CFAP73: variants seen among roughly 807,000 people sequenced by gnomAD.
CFAP73 encodes cilia- and flagella-associated protein 73.
In CFAP73, 33 loss-of-function variants were observed where a neutral mutation model predicts 42.9. The ratio of observed to expected loss-of-function variants is 0.77; its 90% CI spans 0.58 to 1.03. CFAP73 has a LOEUF of 1.03. Among genes scored for constraint, CFAP73 ranks in the 50% least tolerant of loss-of-function variants. The pLI is 0.00. For missense variants in CFAP73, 392 were observed against 411.9 expected (o/e 0.95, Z 0.42); for synonymous variants, 162 against 186.8 (o/e 0.87, Z 1.08).
At position 113,158,957 on chromosome 12, in the gene CFAP73, G is replaced by A. The variant is rs534000886; in HGVS notation, c.*268G>A. Reference sequence around the variant, plus strand: ...CCCTGCTGCAGCTCCTGGACGCGGCGGCGGTTGCGGGCAGAGAGCTGCTTG... The same window carrying A: ...CCCTGCTGCAGCTCCTGGACGCGGCAGCGGTTGCGGGCAGAGAGCTGCTTG... On this transcript the variant is annotated 3_prime_UTR_variant, in exon 8 of 8. Transcript: ENST00000335621. The surrounding 1 kb of genome is among the most constrained non-coding windows in gnomAD (Gnocchi z 4.9). The A allele has an allele frequency of 1.1e-5, 17 of 1,611,094 alleles. No homozygotes were observed. The Admixed American group carries it at 1.5e-4, about 14-fold the overall frequency.
rs532416340 is a variant in CFAP73, at chr12:113,154,450, G to C, written c.505G>C (p.Gly169Arg). ...EVPELVARFD[G>R]LAETQAALRL... ...TCCGGAGCTGGTGGCGCGCTTCGAC[G>C]GCCTGGCCGAGACGCAGGCGGCGCT... is the stretch of plus-strand genomic sequence containing the variant. The change falls in exon 5 of 8, where the codon GGC becomes CGC. Residue 169 changes from glycine to arginine, a missense_variant. Physicochemically the swap from Gly to Arg is moderately radical, Grantham distance 125. Coordinates refer to ENST00000335621, the MANE Select transcript of CFAP73 (RefSeq NM_001144872.3). This position sits in a 1 kb window ranked among gnomAD's most constrained non-coding sequence, Gnocchi z 4.7. 187 of 1,547,110 alleles carry C rather than the reference G, an allele frequency of 1.2e-4. No individual in the cohort carries two copies. In the East Asian group the frequency reaches 3.2e-3, roughly 27 times the overall value.
chr12:113,152,111 C>A, intron 2 of CFAP73, 88 bp downstream of exon 2: 1 of 855,688 alleles, frequency 1.2e-6, no homozygotes, highest in South Asian at 1.6e-5. Flanking sequence ...TGAGACAAGT[C>A]ATTTCACCAC....
rs1182233592 is a variant in CFAP73 at position 113,156,470 on chromosome 12, C to T, written c.849+1052C>T. Among the ~76,000 whole-genome samples the T allele has an allele frequency of 2.6e-5, 4 of 151,168 alleles. No homozygotes were observed. In the South Asian group the frequency reaches 6.2e-4, roughly 24 times the overall value. On this transcript the variant is annotated intron_variant, in intron 6 of 7. Transcript: ENST00000335621. ...ATAAAAAACTCTTCCTTCTTTAATCCGGTGTCTGAGGAGTTTTGTGTTAAT... is the reference window on the plus strand; with the variant it reads ...ATAAAAAACTCTTCCTTCTTTAATCTGGTGTCTGAGGAGTTTTGTGTTAAT...
intron 2 of CFAP73, 43 bp from the exon 3 acceptor site, chr12:113,152,740 C>G (rs977644346): frequency 7.1e-7 from 1 of 1,414,684 alleles, no homozygotes; most frequent in Non-Finnish European, 9.8e-7. Flanking sequence ...TGGGAGGACC[C>G]GGACCCCCGA....
intron 6 of CFAP73, among the ~76,000 whole-genome samples, chr12:113,155,710 C>T (rs1003545518): frequency 6.6e-6 from 1 of 152,176 alleles, no homozygotes; most frequent in African/African-American, 2.4e-5. Flanking sequence ...TGCCCTCCCT[C>T]TACCAGGAAG....
rs1365267163 is a variant in CFAP73 at position 113,152,864 on chromosome 12, A to G, written c.244A>G (p.Ile82Val). ...GGAGCGGGAGCTAAAGGGATCGTTC[A>G]TCCGCTTTGACAAGTTTTTGCAGGT... ...QKERELKGSF[I>V]RFDKFLQDSE... Residue 82 changes from isoleucine (I) to valine (V), a missense_variant, in exon 3 of 8, where the codon ATC becomes GTC. Physicochemically the swap from Ile to Val is conservative, Grantham distance 29. Transcript: ENST00000335621. 1.9e-6 allele frequency: 3 copies of G among 1,551,654 alleles called. No individual in the cohort carries two copies. In the Admixed American group the frequency reaches 5.9e-5, roughly 30 times the overall value.
rs372538325 is a variant in CFAP73, at chr12:113,155,366, A to G, written c.797A>G (p.Gln266Arg). Residue 266 changes from glutamine (Q) to arginine (R), a missense_variant, in exon 6 of 8, where the codon CAG becomes CGG. Gln to Arg is a conservative substitution (Grantham distance 43). Transcript: ENST00000335621. ...LNLFQLVCQHQGQPPTLDIED... is the reference protein window; with the variant it reads ...LNLFQLVCQHRGQPPTLDIED... ...CTGTTCCAGCTAGTGTGCCAGCATC[A>G]GGGGCAGCCTCCCACCCTGGACATC... The G allele has an allele frequency of 1.3e-6, 2 of 1,551,438 alleles. No homozygotes were observed. Among genetic ancestry groups the G allele is most frequent in the Non-Finnish European group, 1.7e-6 (2 of 1,146,760 alleles).
chr12:113,155,929 CTT>C lies in CFAP73; in HGVS notation c.849+526_849+527del, dbSNP rs200795985. On this transcript the variant is annotated intron_variant, in intron 6 of 7. Transcript: ENST00000335621. ...TGTGTGGTGTAGAATGTGCCATAGG[CTT>C]TTTTTTTTTTTTTTGAGACAGAGTC... is the stretch of plus-strand genomic sequence containing the variant. Among the ~76,000 whole-genome samples the C allele has an allele frequency of 2.9e-3, 399 of 136,350 alleles. 4 individuals are homozygous for C. The highest frequency in any genetic ancestry group is 8.5e-3 in the African/African-American group (314 of 37,082). 89.5% of individuals were successfully genotyped at this position (136,350 alleles called of 152,430 possible). A position where few individuals can be genotyped will look rare whatever the true frequency, so the allele number is the denominator to read the frequency against.
chr12:113,157,563 T>C (rs1406304128), intron 6 of CFAP73, 39 bp from the exon 7 acceptor site: 1 of 1,536,410 alleles, frequency 6.5e-7, no homozygotes, highest in Non-Finnish European at 8.8e-7. Context: ...GGACAGTGAC[T>C]CTGGGGCTGG....
chr12:113,154,510 G>C lies in CFAP73; in HGVS notation c.565G>C (p.Glu189Gln), dbSNP rs758336329. 21 of 1,522,592 alleles carry C rather than the reference G, an allele frequency of 1.4e-5. No homozygotes were observed. The South Asian group carries it at 2.3e-4, about 17-fold the overall frequency. The allele number at this position is 1,522,592 out of a possible 1,614,324, so 94.3% of individuals were successfully genotyped here. Residue 189 changes from glutamate (E) to glutamine (Q), a missense_variant, in exon 5 of 8, where the codon GAG becomes CAG. By Grantham distance (29) the Glu-to-Gln change is conservative. Coordinates refer to ENST00000335621, the MANE Select transcript of CFAP73 (RefSeq NM_001144872.3). The surrounding 1 kb of genome is among the most constrained non-coding windows in gnomAD (Gnocchi z 4.7). The stretch of plus-strand genomic sequence containing the variant: ...GGAGCGCGAGCAGCTCGCGGAGCTG[G>C]AGGCGGCGCGAGCGCGGCTGCAGCA... ...LREREQLAEL[E>Q]AARARLQQLR...
intron 6 of CFAP73, chr12:113,156,699 C>G (rs1394889861): frequency 1.3e-5 from 2 of 152,170 alleles, no homozygotes; most frequent in Non-Finnish European, 2.9e-5. Flanking sequence ...TGGCCTGTTA[C>G]CTTGTGGCAC....
At position 113,153,394 on chromosome 12, in the gene CFAP73, G is replaced by A. The variant is rs1033191020; in HGVS notation, c.454G>A (p.Glu152Lys). 15 of 1,446,710 alleles carry A rather than the reference G, an allele frequency of 1.0e-5. No homozygotes were observed. The African/African-American group carries it at 1.5e-4, about 14-fold the overall frequency. 89.6% of individuals were successfully genotyped at this position (1,446,710 alleles called of 1,614,324 possible). ...CGCGCGCCTGCTGGAGCAAGCGCTG[G>A]AGCTGCTGCCCGGGGTGAGTCCGGG... Reference protein sequence around the residue: ...PCARLLEQALELLPGFQEVPE... With the variant: ...PCARLLEQALKLLPGFQEVPE... The change falls in exon 4 of 8, where the codon GAG becomes AAG. Residue 152 changes from glutamate (E) to lysine (K), a missense_variant. Coordinates refer to ENST00000335621, the MANE Select transcript of CFAP73 (RefSeq NM_001144872.3).
chr12:113,149,759 A>G lies in CFAP73; in HGVS notation c.-99A>G. 8.0e-7 allele frequency: 1 copy of G among 1,257,090 alleles called. No homozygotes were observed. Among genetic ancestry groups the G allele is most frequent in the Non-Finnish European group, 1.1e-6 (1 of 888,822 alleles). The allele number at this position is 1,257,090 out of a possible 1,614,324, so 77.9% of individuals were successfully genotyped here. A position where few individuals can be genotyped will look rare whatever the true frequency, so the allele number is the denominator to read the frequency against. The stretch of plus-strand genomic sequence containing the variant: ...GGTGGCTGCCTTCTGGGCCGAGCTG[A>G]GCAGGCTTCCACACCACGCTCCACA... On this transcript the variant is annotated 5_prime_UTR_variant, in exon 1 of 8. Transcript: ENST00000335621.
Position 113,157,687 on chromosome 12 carries a change from A to G in CFAP73, c.*8A>G, listed in dbSNP as rs1952148571. The G allele has an allele frequency of 1.9e-6, 3 of 1,550,862 alleles. No individual in the cohort carries two copies. In the South Asian group the frequency reaches 3.6e-5, roughly 18 times the overall value. ...GCAGCCCCTGCCTCCTAGCCCTGACACAGGTGAGCAGCGGGAGAGGGAACC... is the reference window on the plus strand; with the variant it reads ...GCAGCCCCTGCCTCCTAGCCCTGACGCAGGTGAGCAGCGGGAGAGGGAACC... On this transcript the variant is annotated 3_prime_UTR_variant, in exon 7 of 8. Transcript: ENST00000335621.
rs1318615163 is a variant in CFAP73, at chr12:113,154,689, G to A, written c.690+54G>A. 4.4e-6 allele frequency: 6 copies of A among 1,378,626 alleles called. No individual in the cohort carries two copies. The East Asian group carries it at 1.5e-4, about 34-fold the overall frequency. The allele number at this position is 1,378,626 out of a possible 1,614,324, so 85.4% of individuals were successfully genotyped here. ...CCGGACCCCAGGCTTCCACAGCCGG[G>A]CGGGGAGGAACGCCAGGGCTGATGA... On this transcript the variant is annotated intron_variant, in intron 5 of 7. Coordinates refer to ENST00000335621, the MANE Select transcript of CFAP73 (RefSeq NM_001144872.3). This position sits in a 1 kb window ranked among gnomAD's most constrained non-coding sequence, Gnocchi z 4.7.
At position 113,159,261 on chromosome 12, in the gene CFAP73, G is replaced by A; in HGVS notation, c.*572G>A. ...CTGTACACAGTAGGTGGCTAATAAA[G>A]TTTTAGGCAGCCTCATGGAGTGGTC... On this transcript the variant is annotated 3_prime_UTR_variant, in exon 8 of 8. Coordinates refer to ENST00000335621, the MANE Select transcript of CFAP73 (RefSeq NM_001144872.3). 3 of 842,258 alleles carry A rather than the reference G, an allele frequency of 3.6e-6. No homozygotes were observed. The highest frequency in any genetic ancestry group is 5.3e-6 in the Non-Finnish European group (3 of 563,530). The allele number at this position is 842,258 out of a possible 1,614,324, so 52.2% of individuals were successfully genotyped here. A position where few individuals can be genotyped will look rare whatever the true frequency, so the allele number is the denominator to read the frequency against.
At position 113,149,771 on chromosome 12, in the gene CFAP73, C is replaced by T; in HGVS notation, c.-87C>T. 1 of 1,395,976 alleles carries T rather than the reference C, an allele frequency of 7.2e-7. No homozygotes were observed. Among genetic ancestry groups the T allele is most frequent in the Non-Finnish European group, 9.9e-7 (1 of 1,011,088 alleles). 86.5% of individuals were successfully genotyped at this position (1,395,976 alleles called of 1,614,324 possible). ...CTGGGCCGAGCTGAGCAGGCTTCCA[C>T]ACCACGCTCCACAGAACCCCCAGGG... is the stretch of plus-strand genomic sequence containing the variant. On this transcript the variant is annotated 5_prime_UTR_variant, in exon 1 of 8. Coordinates refer to ENST00000335621, the MANE Select transcript of CFAP73 (RefSeq NM_001144872.3).
Position 113,155,411 on chromosome 12 carries a change from T to C in CFAP73, c.842T>C (p.Leu281Pro), listed in dbSNP as rs1952111728. Residue 281 changes from leucine (L) to proline (P), a missense_variant, in exon 6 of 8, where the codon CTA (leucine) becomes CCA (proline). Coordinates refer to ENST00000335621, the MANE Select transcript of CFAP73 (RefSeq NM_001144872.3). ...GACATCGAGGACACGGAGGGACAGCTAGAGCACGTGAGGACCCCTCTTTAT... is the reference window on the plus strand; with the variant it reads ...GACATCGAGGACACGGAGGGACAGCCAGAGCACGTGAGGACCCCTCTTTAT... Reference protein sequence around the residue: ...TLDIEDTEGQLEHVKLFMQDL... With the variant: ...TLDIEDTEGQPEHVKLFMQDL... 6.5e-7 allele frequency: 1 copy of C among 1,549,154 alleles called. No individual in the cohort carries two copies. Among genetic ancestry groups the C allele is most frequent in the Non-Finnish European group, 8.7e-7 (1 of 1,145,144 alleles).
Position 113,159,189 on chromosome 12 carries a change from T to A in CFAP73, c.*500T>A, listed in dbSNP as rs573070711. 155 of 1,410,888 alleles carry A rather than the reference T, an allele frequency of 1.1e-4. No individual in the cohort carries two copies. Among genetic ancestry groups the A allele is most frequent in the Middle Eastern group, 4.7e-4 (2 of 4,290 alleles). The allele number at this position is 1,410,888 out of a possible 1,614,324, so 87.4% of individuals were successfully genotyped here. A position where few individuals can be genotyped will look rare whatever the true frequency, so the allele number is the denominator to read the frequency against. On this transcript the variant is annotated 3_prime_UTR_variant, in exon 8 of 8. Transcript: ENST00000335621. Reference sequence around the variant, plus strand: ...CTCCTCCCAGAAGCTTGCAGACTCCTCCCCTGCCCCTACTCCTGTTCTGTG... The same window carrying A: ...CTCCTCCCAGAAGCTTGCAGACTCCACCCCTGCCCCTACTCCTGTTCTGTG...
Sources: gnomAD v4.1 joint callset for allele counts (sites outside exome capture counted in the v4.1 genomes callset) on GRCh38, gnomAD v4.1.1 for gene constraint, Gnocchi (gnomAD v3.1) non-coding constraint, MANE v1.5 for transcripts, NCBI Gene and HGNC (gene_info 2026-07-23, HGNC 2026-07-21) for gene names.